The following SYTL5 variants were observed in gnomAD, a reference collection of about 807,000 sequenced individuals.
SYTL5 encodes synaptotagmin like 5.
SYTL5 carries 34 observed loss-of-function variants against 55.9 expected under a neutral mutation model. The observed-to-expected ratio is 0.61, with a 90% CI of 0.46 to 0.81. The LOEUF (loss-of-function observed/expected upper bound fraction) is 0.81. SYTL5 is among the 30% of genes least tolerant of loss of function. The pLI is 0.00. For synonymous variants in SYTL5, 221 were observed against 188.7 expected (o/e 1.17, Z -1.40); for missense variants, 637 against 546.7 (o/e 1.17, Z -1.65).
the SYTL5 span, among the ~76,000 whole-genome samples, chrX:37,964,221 C>T: frequency 0.015 from 1,658 of 111,824 alleles, 15 homozygotes; most frequent in Middle Eastern, 0.032. Flanking sequence ...AAGACACCAT[C>T]TATGATCCAG....
intron 4 of SYTL5, among the ~76,000 whole-genome samples, chrX:38,072,805 A>G (rs150399396): frequency 7.1e-5 from 8 of 112,237 alleles, no homozygotes; most frequent in Middle Eastern, 4.6e-3. Flanking sequence ...GGTGCATTCA[A>G]ATTACAATTT....
chrX:37,977,700 TCA>T, the SYTL5 span, among the ~76,000 whole-genome samples: 6,655 of 82,319 alleles, frequency 0.081, 267 homozygotes, highest in South Asian at 0.12. Context: ...GGACCAATGA[TCA>T]CACACACACA....
At chrX:37,961,629 C>A in the SYTL5 span, among the ~76,000 whole-genome samples, 11 of 111,735 alleles carry the variant, frequency 9.8e-5, no homozygotes, top group South Asian at 3.0e-3. Flanking sequence ...GAGTATTATT[C>A]TTATGTCATA....
At chrX:38,054,583 GGTGT>G (rs3067493) in intron 3 of SYTL5, among the ~76,000 whole-genome samples, 161 bp downstream of exon 3, 15 of 98,351 alleles carry the variant, frequency 1.5e-4, no homozygotes, top group Non-Finnish European at 2.0e-4. Context: ...AGGGCTCTGG[GGTGT>G]GTGTGTGTGT....
chrX:37,969,776 G>A, the SYTL5 span, among the ~76,000 whole-genome samples: 1 of 111,208 alleles, frequency 9.0e-6, no homozygotes, highest in Non-Finnish European at 1.9e-5. Context: ...TGGGATCACA[G>A]GCACCCACCA....
At chrX:37,964,603 A>T in the SYTL5 span, among the ~76,000 whole-genome samples, 1 of 111,286 alleles carries the variant, frequency 9.0e-6, no homozygotes, top group African/African-American at 3.3e-5. Context: ...TGCTGGCCTC[A>T]TAAAATTAGT....
At chrX:37,895,437 C>CTTCCTTCCTTCT in the SYTL5 span, among the ~76,000 whole-genome samples, 1 of 94,365 alleles carries the variant, frequency 1.1e-5, no homozygotes, top group Non-Finnish European at 2.0e-5. Context: ...TCCTTCCTTC[C>CTTCCTTCCTTCT]TTCCTTCCTT....
chrX:38,101,385 G>A (rs1174028857), intron 9 of SYTL5, among the ~76,000 whole-genome samples: 1 of 110,747 alleles, frequency 9.0e-6, no homozygotes, highest in Non-Finnish European at 1.9e-5. Context: ...AAGCCCAGAA[G>A]TGTACATCAT....
chrX:37,974,424 G>A, the SYTL5 span, among the ~76,000 whole-genome samples: 42 of 111,949 alleles, frequency 3.8e-4, no homozygotes, highest in African/African-American at 1.4e-3. Flanking sequence ...CATGGGCTGG[G>A]TGAAGGTAGG....
intron 1 of SYTL5, among the ~76,000 whole-genome samples, chrX:38,010,270 A>G (rs1043719212): frequency 8.9e-6 from 1 of 112,220 alleles, no homozygotes; most frequent in Admixed American, 9.5e-5. Context: ...GTAGGGGCCT[A>G]TGAGGCTAAG....
intron 7 of SYTL5, among the ~76,000 whole-genome samples, chrX:38,093,071 T>A (rs990872400): frequency 8.0e-5 from 9 of 112,122 alleles, no homozygotes; most frequent in African/African-American, 2.9e-4. Flanking sequence ...TGACCTAAAC[T>A]AATTTATCAG....
chrX:37,943,212 G>A, the SYTL5 span, among the ~76,000 whole-genome samples: 2 of 112,238 alleles, frequency 1.8e-5, no homozygotes, highest in Admixed American at 9.5e-5. Flanking sequence ...ACTGCTGAGA[G>A]TATTTTTGTG....
intron 1 of SYTL5, among the ~76,000 whole-genome samples, chrX:38,019,205 G>A (rs1034830236): frequency 1.8e-5 from 2 of 112,069 alleles, no homozygotes; most frequent in African/African-American, 6.5e-5. Flanking sequence ...AGCCTCTTTC[G>A]CTGTGTTTCC....
At chrX:37,905,572 C>T in the SYTL5 span, among the ~76,000 whole-genome samples, 3 of 110,006 alleles carry the variant, frequency 2.7e-5, no homozygotes, top group Non-Finnish European at 5.7e-5. Context: ...CCGGAGCCAC[C>T]ACAAGGTGGA....
chrX:37,953,522 G>GT, the SYTL5 span, among the ~76,000 whole-genome samples: 10 of 111,226 alleles, frequency 9.0e-5, no homozygotes, highest in South Asian at 3.7e-4. Flanking sequence ...CAGACTCTCT[G>GT]TTTTTTTGTT....
At chrX:38,109,572 T>C (rs1304316976) in intron 12 of SYTL5, among the ~76,000 whole-genome samples, 1 of 109,585 alleles carries the variant, frequency 9.1e-6, no homozygotes, top group Non-Finnish European at 1.9e-5. Context: ...ATAGGAAAGA[T>C]GAGCCCAAAC....
chrX:38,071,213 A>G (rs1299122721), intron 3 of SYTL5, among the ~76,000 whole-genome samples: 1 of 111,819 alleles, frequency 8.9e-6, no homozygotes, highest in East Asian at 2.8e-4. Context: ...GAAGGACGCT[A>G]TAAGTAATGG....
At chrX:38,103,852 A>T (rs1367785114) in intron 10 of SYTL5, among the ~76,000 whole-genome samples, 1 of 111,962 alleles carries the variant, frequency 8.9e-6, no homozygotes, top group Non-Finnish European at 1.9e-5. Context: ...CCATTCATTA[A>T]GTAGTTAGAA....
At chrX:37,974,517 C>T in the SYTL5 span, among the ~76,000 whole-genome samples, 1 of 111,494 alleles carries the variant, frequency 9.0e-6, no homozygotes. Flanking sequence ...GATGGTTGTA[C>T]AATATTGTAA....
Sources: allele counts gnomAD v4.1 joint callset (sites outside exome capture counted in the v4.1 genomes callset), GRCh38; gene constraint gnomAD v4.1.1; transcripts MANE v1.5; gene names NCBI Gene and HGNC (gene_info 2026-07-23, HGNC 2026-07-21).